LCOR: variants seen among roughly 807,000 people sequenced by gnomAD.
The protein encoded by LCOR is ligand-dependent corepressor.
In LCOR, 14 loss-of-function variants were observed where a neutral mutation model predicts 64.4. The ratio of observed to expected loss-of-function variants is 0.22; its 90% CI spans 0.14 to 0.34. The LOEUF (loss-of-function observed/expected upper bound fraction) is 0.34. LCOR is among the 10% of genes least tolerant of loss of function. The pLI is 1.00. For missense variants in LCOR, 1,686 were observed against 1,765.3 expected, an observed-to-expected ratio of 0.96 and a Z score of 0.80; for synonymous variants, 643 against 642.5, an observed-to-expected ratio of 1.00 and a Z score of -0.01.
chr10:96,869,578 T>C (rs1170723306), intron 2 of LCOR, among the ~76,000 whole-genome samples: 2 of 150,626 alleles, frequency 1.3e-5, no homozygotes, highest in Non-Finnish European at 3.0e-5. Context: ...TCTTTTTTTT[T>C]TTTTTTTCTT....
intron 4 of LCOR, among the ~76,000 whole-genome samples, chr10:96,913,793 C>T (rs996019730): frequency 6.6e-6 from 1 of 152,064 alleles, no homozygotes; most frequent in East Asian, 1.9e-4. Context: ...CTGTGGTGGC[C>T]CATGCCTGTA....
chr10:96,958,916 A>AAC lies in LCOR; in HGVS notation c.332+6721_332+6722insCA, dbSNP rs1847827789. The AAC allele has an allele frequency of 2.0e-5, 3 of 152,106 alleles. 1 individual carries two copies. The highest frequency in any genetic ancestry group is 4.8e-5 in the African/African-American group (2 of 41,288). The allele number at this position is 152,106 out of a possible 1,614,324, so 9.4% of individuals were successfully genotyped here. On this transcript the variant is annotated intron_variant, in intron 7 of 7. Transcript: ENST00000421806. Reference sequence around the variant, plus strand: ...CAAAAAAGAAAAACTTAAAAAAAAAAAAAAAAAAAAACAAAAAGCTGCTGG... The same window carrying AAC: ...CAAAAAAGAAAAACTTAAAAAAAAAAACAAAAAAAAAAACAAAAAGCTGCTGG...
chr10:96,912,648 C>CCTTCCTTTT (rs1564623502), intron 4 of LCOR, among the ~76,000 whole-genome samples: 3 of 150,788 alleles, frequency 2.0e-5, no homozygotes, highest in African/African-American at 7.3e-5. Flanking sequence ...TCCTTCCTTT[C>CCTTCCTTTT]CTTCTTTTTC....
At chr10:96,945,360 A>G (rs1847569691) in intron 5 of LCOR, among the ~76,000 whole-genome samples, 1 of 152,140 alleles carries the variant, frequency 6.6e-6, no homozygotes, top group Non-Finnish European at 1.5e-5. Flanking sequence ...GTAGTGTCAT[A>G]TAAAATTAAG....
intron 4 of LCOR, among the ~76,000 whole-genome samples, chr10:96,943,288 G>A (rs1168576534): frequency 6.6e-6 from 1 of 152,118 alleles, no homozygotes; most frequent in East Asian, 1.9e-4. Flanking sequence ...TAGAAACTGG[G>A]TTTCACCATT....
chr10:96,852,967 A>G (rs1233003001), intron 2 of LCOR, among the ~76,000 whole-genome samples: 1 of 152,212 alleles, frequency 6.6e-6, no homozygotes. Flanking sequence ...TTGGTTCTCC[A>G]TTTCTAACAG....
chr10:96,924,715 C>T (rs1847138731), intron 4 of LCOR, among the ~76,000 whole-genome samples: 1 of 152,018 alleles, frequency 6.6e-6, no homozygotes, highest in African/African-American at 2.4e-5. Context: ...ACAACGCAGG[C>T]ATTTTCTTGA....
chr10:96,883,226 G>C (rs1331805558), intron 2 of LCOR, among the ~76,000 whole-genome samples: 1 of 152,070 alleles, frequency 6.6e-6, no homozygotes, highest in Non-Finnish European at 1.5e-5. Flanking sequence ...TAGAGATGGG[G>C]TTTCACCATG....
chr10:96,848,179 G>C (rs1487715684), intron 2 of LCOR, among the ~76,000 whole-genome samples: 7 of 152,276 alleles, frequency 4.6e-5, no homozygotes, highest in Non-Finnish European at 1.0e-4. Context: ...TATATATCCA[G>C]TTACAACTAG....
intron 2 of LCOR, among the ~76,000 whole-genome samples, chr10:96,866,556 T>A (rs537698137): frequency 6.6e-6 from 1 of 152,298 alleles, no homozygotes; most frequent in African/African-American, 2.4e-5. Context: ...GATAGATGTA[T>A]GTTTAATTTT....
chr10:96,832,615 C>CCG (rs1410297777), intron 1 of LCOR, among the ~76,000 whole-genome samples: 1 of 149,776 alleles, frequency 6.7e-6, no homozygotes, highest in Non-Finnish European at 1.5e-5. Flanking sequence ...CCCCTCCCCT[C>CCG]CGCGCGCCTC....
intron 2 of LCOR, among the ~76,000 whole-genome samples, chr10:96,865,236 G>A (rs7069290): frequency 0.35 from 53,487 of 151,988 alleles, 13,395 homozygotes; most frequent in African/African-American, 0.7. Context: ...ATGCCTTTAT[G>A]AGGTTCAGTT....
intron 2 of LCOR, among the ~76,000 whole-genome samples, chr10:96,835,201 CG>C (rs11292647): frequency 0.14 from 20,814 of 152,126 alleles, 1,914 homozygotes; most frequent in African/African-American, 0.26. Flanking sequence ...TGTGCCCGGC[CG>C]TGTTTTTGGT....
At position 96,981,853 on chromosome 10, in the gene LCOR, G is replaced by T. The variant is rs768362315; in HGVS notation, c.1393G>T (p.Asp465Tyr). The stretch of plus-strand genomic sequence containing the variant: ...AAGGGCATCAGGGCTGAGGATAAAT[G>T]ATTATGATAACCAGTGTGATGTTGT... The part of the protein sequence containing the change: ...SKRASGLRIN[D>Y]YDNQCDVVYI... The change falls in exon 8 of 8, where the codon GAT (aspartate) becomes TAT (tyrosine). Residue 465 changes from aspartate to tyrosine, a missense_variant. Physicochemically the swap from Asp to Tyr is radical, Grantham distance 160. Around this residue, in one of 3 missense-constraint regions of LCOR, gnomAD observed 1,293 missense variants for 1,410.4 expected, o/e 0.92. Transcript: ENST00000421806. The T allele has an allele frequency of 2.5e-6, 4 of 1,614,194 alleles. No individual in the cohort carries two copies. Among genetic ancestry groups the T allele is most frequent in the Non-Finnish European group, 3.4e-6 (4 of 1,180,028 alleles).
chr10:96,897,998 A>G (rs1398434371), intron 2 of LCOR, among the ~76,000 whole-genome samples: 1 of 151,464 alleles, frequency 6.6e-6, no homozygotes, highest in Non-Finnish European at 1.5e-5. Flanking sequence ...TCAGTTAATT[A>G]TAATGATGTA....
At chr10:96,877,500 G>GGTGA (rs1271114454) in intron 2 of LCOR, among the ~76,000 whole-genome samples, 6 of 151,880 alleles carry the variant, frequency 4.0e-5, no homozygotes, top group Admixed American at 6.6e-5. Context: ...CTCCAGCCTG[G>GGTGA]GTGAGTGAGT....
intron 7 of LCOR, chr10:96,955,640 G>A: frequency 6.2e-7 from 1 of 1,614,166 alleles, no homozygotes; most frequent in Non-Finnish European, 8.5e-7. Context: ...AGCAGCCTCG[G>A]AAGAAAAGAG....
intron 7 of LCOR, among the ~76,000 whole-genome samples, chr10:96,976,177 CA>C (rs1848038971): frequency 6.6e-6 from 1 of 152,168 alleles, no homozygotes; most frequent in Admixed American, 6.5e-5. Context: ...ATGAGGAAAA[CA>C]TACAAATGAT....
At position 96,989,695 on chromosome 10, in the gene LCOR, A is replaced by ATATATTTTTTTTT. The variant is rs1371771053; in HGVS notation, c.*4562_*4563insATATTTTTTTTTT. 2.3e-5 allele frequency: 2 copies of ATATATTTTTTTTT among 86,190 alleles called. No individual in the cohort carries two copies. Among genetic ancestry groups the ATATATTTTTTTTT allele is most frequent in the Non-Finnish European group, 2.0e-5 (1 of 50,724 alleles). The allele number at this position is 86,190 out of a possible 1,614,324, so 5.3% of individuals were successfully genotyped here. On this transcript the variant is annotated 3_prime_UTR_variant, in exon 8 of 8. Coordinates refer to ENST00000421806, the MANE Select transcript of LCOR (RefSeq NM_001346516.2). ...TAAGGATATATATATATATATATAT[A>ATATATTTTTTTTT]TTTTTTTTTTTTTTTTTTTTTTTTA...
Sources: gnomAD v4.1 joint callset for allele counts (sites outside exome capture counted in the v4.1 genomes callset) on GRCh38, gnomAD v4.1.1 for gene constraint, gnomAD v4.1.1 regional missense constraint, MANE v1.5 for transcripts, NCBI Gene and HGNC (gene_info 2026-07-23, HGNC 2026-07-21) for gene names.